DYNC2H1: variants seen among roughly 807,000 people sequenced by gnomAD.
DYNC2H1 encodes the protein cytoplasmic dynein 2 heavy chain 1.
DYNC2H1 carries 410 observed loss-of-function variants against 570.0 expected under a neutral mutation model. The observed-to-expected ratio is 0.72, with a 90% confidence interval of 0.66 to 0.78. The LOEUF (loss-of-function observed/expected upper bound fraction) is 0.78, where lower values mean the gene tolerates loss of function less well. Ranked by LOEUF, DYNC2H1 falls within the 30% of genes least tolerant of loss-of-function variation. The pLI is 0.00. For missense variants in DYNC2H1, 4,865 were observed against 5,046.4 expected, an observed-to-expected ratio of 0.96 and a Z score of 1.09; for synonymous variants, 1,688 against 1,677.6, an observed-to-expected ratio of 1.01 and a Z score of -0.15.
chr11:103,376,162 C>T (rs1007682448), intron 83 of DYNC2H1, among the ~76,000 whole-genome samples: 1 of 152,156 alleles, frequency 6.6e-6, no homozygotes, highest in African/African-American at 2.4e-5. Context: ...GAAGAGGTGC[C>T]TTCGGCCATG....
intron 78 of DYNC2H1, among the ~76,000 whole-genome samples, chr11:103,308,063 A>G (rs1191002953): frequency 1.3e-5 from 2 of 152,138 alleles, no homozygotes; most frequent in Non-Finnish European, 2.9e-5. Flanking sequence ...ATAACATGAC[A>G]TTTGCTATCG....
At chr11:103,469,252 ATTTAG>A (rs1945293313) in intron 88 of DYNC2H1, among the ~76,000 whole-genome samples, 1 of 152,236 alleles carries the variant, frequency 6.6e-6, no homozygotes, top group Non-Finnish European at 1.5e-5. Context: ...TTAAAGACTT[ATTTAG>A]TTAACTTTTT....
intron 75 of DYNC2H1, among the ~76,000 whole-genome samples, chr11:103,293,176 T>A (rs1313443553): frequency 1.3e-5 from 2 of 151,862 alleles, no homozygotes; most frequent in African/African-American, 4.8e-5. Flanking sequence ...TGAAGAATGA[T>A]GTTGCTGGAT....
intron 59 of DYNC2H1, among the ~76,000 whole-genome samples, chr11:103,223,959 G>C (rs1404196742): frequency 6.6e-6 from 1 of 151,550 alleles, no homozygotes; most frequent in African/African-American, 2.4e-5. Flanking sequence ...TGTTGGCGAA[G>C]ATGATCTCGA....
At chr11:103,460,918 T>C (rs1451092523) in intron 87 of DYNC2H1, among the ~76,000 whole-genome samples, 1 of 152,156 alleles carries the variant, frequency 6.6e-6, no homozygotes. Flanking sequence ...AAATATTTAG[T>C]AACATAAATA....
intron 87 of DYNC2H1, among the ~76,000 whole-genome samples, chr11:103,462,891 T>G (rs1945066832): frequency 6.6e-6 from 1 of 152,284 alleles, no homozygotes; most frequent in East Asian, 1.9e-4. Flanking sequence ...GGGTAAACCT[T>G]AATAGTGAAG....
chr11:103,211,459 C>T (rs933102947), intron 53 of DYNC2H1, among the ~76,000 whole-genome samples: 3 of 151,938 alleles, frequency 2.0e-5, no homozygotes, highest in South Asian at 2.1e-4. Flanking sequence ...TTTTGGATTA[C>T]TGTACATGTG....
chr11:103,269,588 G>C (rs1160877582), intron 70 of DYNC2H1, among the ~76,000 whole-genome samples: 3 of 152,238 alleles, frequency 2.0e-5, no homozygotes, highest in African/African-American at 7.2e-5. Flanking sequence ...GACTTATTTT[G>C]TAGCAGGAAA....
Position 103,117,787 on chromosome 11 carries a change from G to A in DYNC2H1, c.923G>A (p.Arg308His), listed in dbSNP as rs1858490849. 6 of 1,613,110 alleles carry A rather than the reference G, an allele frequency of 3.7e-6. No homozygotes were observed. Among genetic ancestry groups the A allele is most frequent in the African/African-American group, 1.3e-5 (1 of 75,016 alleles). Residue 308 changes from arginine (R) to histidine (H), a missense_variant, in exon 6 of 89, where the codon CGC (arginine) becomes CAC (histidine). Arg to His is a conservative substitution (Grantham distance 29). This residue lies in a region of DYNC2H1 where 1,936 missense variants were observed against 1,962.1 expected (regional missense o/e 0.99). Transcript: ENST00000375735. The stretch of plus-strand genomic sequence containing the variant: ...CATCTAACAGGTCAGGTGTGGCAGC[G>A]CTATGTTCCTCATCCATGGAAAAAT... ...CNHLTGQVWQ[R>H]YVPHPWKNEK...
chr11:103,226,040 A>G (rs550890666), intron 59 of DYNC2H1, among the ~76,000 whole-genome samples: 122 of 151,946 alleles, frequency 8.0e-4, no homozygotes, highest in African/African-American at 2.9e-3. Flanking sequence ...TAGCAGAGCT[A>G]CTGATTTGTG....
rs1407236980 is a variant in DYNC2H1, at chr11:103,177,266, T to A, written c.5875-290T>A. Among the ~76,000 whole-genome samples, 1 of 152,166 alleles carries A rather than the reference T, an allele frequency of 6.6e-6. No individual in the cohort carries two copies. Among genetic ancestry groups the A allele is most frequent in the Non-Finnish European group, 1.5e-5 (1 of 68,032 alleles). ...GAATAAAATAATGAATATATTTGAATGAGTGAATGAGTGGAGCAAGTAACG... is the reference window on the plus strand; with the variant it reads ...GAATAAAATAATGAATATATTTGAAAGAGTGAATGAGTGGAGCAAGTAACG... On this transcript the variant is annotated intron_variant, in intron 37 of 88. Transcript: ENST00000375735. This position sits in a 1 kb window ranked among gnomAD's most constrained non-coding sequence, Gnocchi z 4.4.
rs1270848856 is a variant in DYNC2H1 at position 103,319,794 on chromosome 11, C to G, written c.11726-1235C>G. Among the ~76,000 whole-genome samples, 2 of 152,096 alleles carry G rather than the reference C, an allele frequency of 1.3e-5. No individual in the cohort carries two copies. The highest frequency in any genetic ancestry group is 4.8e-5 in the African/African-American group (2 of 41,428). ...TAATGACTTATCAATGACTGGCTAA[C>G]TTATCAGTGACTGTCTAAATGATAA... On this transcript the variant is annotated intron_variant, in intron 80 of 88. Transcript: ENST00000375735. This position sits in a 1 kb window ranked among gnomAD's most constrained non-coding sequence, Gnocchi z 4.3.
chr11:103,441,362 C>T (rs1359378302), intron 85 of DYNC2H1, among the ~76,000 whole-genome samples: 1 of 151,636 alleles, frequency 6.6e-6, no homozygotes, highest in Non-Finnish European at 1.5e-5. Context: ...CCGCACTCCC[C>T]CCTCCAATAC....
intron 10 of DYNC2H1, among the ~76,000 whole-genome samples, chr11:103,122,395 C>T (rs746346425): frequency 6.6e-6 from 1 of 152,214 alleles, no homozygotes; most frequent in Non-Finnish European, 1.5e-5. Flanking sequence ...GGAGGAAAGG[C>T]ATTTATGTCT....
chr11:103,473,037 A>G (rs1945435251), intron 88 of DYNC2H1, among the ~76,000 whole-genome samples: 1 of 152,182 alleles, frequency 6.6e-6, no homozygotes, highest in South Asian at 2.1e-4. Flanking sequence ...GTATGTGGTG[A>G]TACTTAAAAA....
At position 103,446,659 on chromosome 11, in the gene DYNC2H1, ATT is replaced by A. The variant is rs1944433594; in HGVS notation, c.12457-8521_12457-8520del. Reference sequence around the variant, plus strand: ...ACTGACAGGGAGAAGAGCCAAAGGAATTTTTTTGGTTTGGTTTTGTTTTTTAA... The same window carrying A: ...ACTGACAGGGAGAAGAGCCAAAGGAATTTTTGGTTTGGTTTTGTTTTTTAA... On this transcript the variant is annotated intron_variant, in intron 85 of 88. Transcript: ENST00000375735. The surrounding 1 kb of genome is among the most constrained non-coding windows in gnomAD (Gnocchi z 4.5). 6.6e-6 allele frequency among the ~76,000 whole-genome samples: 1 copy of A among 152,034 alleles called. No individual in the cohort carries two copies. Among genetic ancestry groups the A allele is most frequent in the African/African-American group, 2.4e-5 (1 of 41,416 alleles).
At chr11:103,337,773 C>G (rs1347863415) in intron 82 of DYNC2H1, among the ~76,000 whole-genome samples, 1 of 152,094 alleles carries the variant, frequency 6.6e-6, no homozygotes, top group Non-Finnish European at 1.5e-5. Context: ...CTTATATATT[C>G]TTGTCATTAA....
At chr11:103,385,766 C>G (rs1170844814) in intron 83 of DYNC2H1, among the ~76,000 whole-genome samples, 1 of 152,192 alleles carries the variant, frequency 6.6e-6, no homozygotes, top group Non-Finnish European at 1.5e-5. Flanking sequence ...AATTCAGTCA[C>G]ATTACATTTC....
intron 85 of DYNC2H1, among the ~76,000 whole-genome samples, chr11:103,447,933 AT>A (rs539841220): frequency 6.6e-6 from 1 of 151,908 alleles, no homozygotes; most frequent in African/African-American, 2.4e-5. Context: ...AAATACTAGG[AT>A]TTTTTTTATG....
Sources: gnomAD v4.1 joint callset for allele counts (sites outside exome capture counted in the v4.1 genomes callset) on GRCh38, gnomAD v4.1.1 for gene constraint, gnomAD v4.1.1 regional missense constraint, Gnocchi (gnomAD v3.1) non-coding constraint, MANE v1.5 for transcripts, NCBI Gene and HGNC (gene_info 2026-07-23, HGNC 2026-07-21) for gene names.